Variants in BICD1 observed in about 807,000 individuals in gnomAD.
The protein encoded by BICD1 is BICD cargo adaptor 1.
Under a neutral mutation model 92.5 loss-of-function variants are expected in BICD1, and 35 were observed. The observed-to-expected ratio is 0.38, with a 90% confidence interval of 0.29 to 0.50. The LOEUF (loss-of-function observed/expected upper bound fraction) is 0.50. Ranked by LOEUF, BICD1 falls within the 20% of genes least tolerant of loss-of-function variation. The pLI is 0.93. For missense variants in BICD1, 950 were observed against 1,189.8 expected (o/e 0.80, Z 2.97); for synonymous variants, 429 against 465.1 (o/e 0.92, Z 1.00).
chr12:32,332,976 G>T (rs1295853801), intron 5 of BICD1: 2 of 985,386 alleles, frequency 2.0e-6, no homozygotes, highest in Non-Finnish European at 1.2e-6. Context: ...GAAAAACTTT[G>T]CACAGTCAAT....
chr12:32,300,106 ATT>A (rs1266258441), intron 3 of BICD1, among the ~76,000 whole-genome samples: 1 of 144,250 alleles, frequency 6.9e-6, no homozygotes, highest in Admixed American at 6.9e-5. Flanking sequence ...AGGACATACT[ATT>A]TTTTTTTTTT....
intron 2 of BICD1, among the ~76,000 whole-genome samples, chr12:32,283,597 G>A (rs143559781): frequency 1.3e-3 from 194 of 152,342 alleles, no homozygotes; most frequent in African/African-American, 4.3e-3. Flanking sequence ...AAGAACCACC[G>A]TTGTAGATAA....
At chr12:32,320,221 C>T (rs1948613109) in intron 4 of BICD1, among the ~76,000 whole-genome samples, 1 of 152,148 alleles carries the variant, frequency 6.6e-6, no homozygotes, top group Admixed American at 6.5e-5. Flanking sequence ...AGTCAAAAGA[C>T]TTGGCTGGGC....
intron 1 of BICD1, among the ~76,000 whole-genome samples, chr12:32,119,681 G>A (rs1942073486): frequency 6.6e-6 from 1 of 152,208 alleles, no homozygotes; most frequent in Admixed American, 6.5e-5. Context: ...AGACCAGCCT[G>A]ACCAACGTGG....
At chr12:32,369,208 G>A (rs971068713) in intron 9 of BICD1, among the ~76,000 whole-genome samples, 1 of 152,212 alleles carries the variant, frequency 6.6e-6, no homozygotes, top group African/African-American at 2.4e-5. Flanking sequence ...CCTCCATCCT[G>A]GTGAACCTCC....
At chr12:32,185,224 C>T (rs994128970) in intron 1 of BICD1, among the ~76,000 whole-genome samples, 1 of 152,184 alleles carries the variant, frequency 6.6e-6, no homozygotes. Context: ...GTCATATTCT[C>T]TACCACTCAC....
chr12:32,266,761 G>A (rs868660860), intron 2 of BICD1, among the ~76,000 whole-genome samples: 2 of 151,928 alleles, frequency 1.3e-5, no homozygotes, highest in Middle Eastern at 3.4e-3. Context: ...GGGAGGCTGA[G>A]GCAGAAGAAT....
intron 1 of BICD1, among the ~76,000 whole-genome samples, chr12:32,151,640 C>T (rs1341436494): frequency 2.0e-5 from 3 of 152,148 alleles, no homozygotes; most frequent in Non-Finnish European, 4.4e-5. Flanking sequence ...AATCCTCCCT[C>T]TGGGAGTTGG....
At chr12:32,327,036 A>G (rs562681445) in intron 4 of BICD1, among the ~76,000 whole-genome samples, 1 of 152,224 alleles carries the variant, frequency 6.6e-6, no homozygotes, top group East Asian at 1.9e-4. Flanking sequence ...GAAGGAAAAG[A>G]TGATTGATTC....
intron 2 of BICD1, among the ~76,000 whole-genome samples, chr12:32,252,988 T>C (rs1173490802): frequency 6.6e-6 from 1 of 152,084 alleles, no homozygotes; most frequent in Admixed American, 6.6e-5. Context: ...AGGCAGAGGA[T>C]TCTCCCACCT....
At chr12:32,239,108 G>A (rs751070554) in intron 2 of BICD1, among the ~76,000 whole-genome samples, 3 of 150,096 alleles carry the variant, frequency 2.0e-5, no homozygotes, top group Non-Finnish European at 3.0e-5. Flanking sequence ...TTAGCTGGGC[G>A]TGGTGGCAGG....
chr12:32,191,677 ATATT>A (rs1944573786), intron 1 of BICD1, among the ~76,000 whole-genome samples: 1 of 147,928 alleles, frequency 6.8e-6, no homozygotes, highest in East Asian at 1.9e-4. Context: ...TATATAATAT[ATATT>A]ATATATAATA....
chr12:32,209,760 C>G (rs1480635120), intron 1 of BICD1, among the ~76,000 whole-genome samples: 1 of 152,166 alleles, frequency 6.6e-6, no homozygotes, highest in Non-Finnish European at 1.5e-5. Flanking sequence ...TCACTTTGTT[C>G]CAGTCTCTGC....
At chr12:32,196,489 G>A (rs574822852) in intron 1 of BICD1, among the ~76,000 whole-genome samples, 14 of 152,298 alleles carry the variant, frequency 9.2e-5, no homozygotes, top group Non-Finnish European at 1.8e-4. Context: ...AAACAGAAAC[G>A]AACCTGGAGG....
intron 1 of BICD1, among the ~76,000 whole-genome samples, chr12:32,180,004 A>AAAAG (rs1555142747): frequency 1.3e-5 from 2 of 151,364 alleles, no homozygotes; most frequent in Non-Finnish European, 3.0e-5. Context: ...AAAAAAAAAA[A>AAAAG]AAAATTGGCA....
At chr12:32,266,633 G>C (rs1947004787) in intron 2 of BICD1, among the ~76,000 whole-genome samples, 3 of 152,118 alleles carry the variant, frequency 2.0e-5, no homozygotes, top group Non-Finnish European at 2.9e-5. Context: ...AAGGCGGGTG[G>C]ATCACTTGAG....
intron 2 of BICD1, among the ~76,000 whole-genome samples, chr12:32,268,604 T>C (rs1407769603): frequency 6.6e-6 from 1 of 152,164 alleles, no homozygotes; most frequent in Non-Finnish European, 1.5e-5. Flanking sequence ...AAGACCAGCT[T>C]AGCCAACATG....
chr12:32,370,186 G>T (rs1318475078), intron 9 of BICD1, among the ~76,000 whole-genome samples: 1 of 152,032 alleles, frequency 6.6e-6, no homozygotes, highest in Non-Finnish European at 1.5e-5. Flanking sequence ...GGCCAACATG[G>T]TGAAACCCCG....
chr12:32,302,133 G>A (rs2632356), intron 3 of BICD1, among the ~76,000 whole-genome samples: 122,456 of 152,034 alleles, frequency 0.81, 49,453 homozygotes, highest in Non-Finnish European at 0.83. Context: ...TGATCCGCCC[G>A]CCTCAGCCTC....
Sources: gnomAD v4.1 joint callset for allele counts (sites outside exome capture counted in the v4.1 genomes callset) on GRCh38, gnomAD v4.1.1 for gene constraint, MANE v1.5 for transcripts, NCBI Gene and HGNC (gene_info 2026-07-23, HGNC 2026-07-21) for gene names.